The following MYO5B variants were observed in gnomAD, a reference collection of about 807,000 sequenced individuals.
MYO5B encodes the protein myosin VB, also known as unconventional myosin-Vb.
Under a neutral mutation model 229.3 loss-of-function variants are expected in MYO5B, and 143 were observed. The observed-to-expected ratio is 0.62, with a 90% CI of 0.54 to 0.72. The LOEUF (loss-of-function observed/expected upper bound fraction) is 0.72. Ranked by LOEUF, MYO5B falls within the 30% of genes least tolerant of loss-of-function variation. The probability of loss-of-function intolerance (pLI) is 0.00; values close to 1 mark genes in which losing one functional copy is unlikely to be tolerated. For synonymous variants in MYO5B, 918 were observed against 885.2 expected, an observed-to-expected ratio of 1.04 and a Z score of -0.66; for missense variants, 2,321 against 2,331.0, an observed-to-expected ratio of 1.00 and a Z score of 0.09.
chr18:50,108,516 T>G (rs2031803386), intron 1 of MYO5B, among the ~76,000 whole-genome samples: 1 of 152,178 alleles, frequency 6.6e-6, no homozygotes, highest in Non-Finnish European at 1.5e-5. Flanking sequence ...CCACACAATT[T>G]CAACATGATT....
intron 2 of MYO5B, among the ~76,000 whole-genome samples, chr18:50,045,369 C>T (rs1343950229): frequency 1.3e-5 from 2 of 152,098 alleles, no homozygotes; most frequent in Admixed American, 1.3e-4. Context: ...CTTAAATTTC[C>T]CTTTGGCACA....
chr18:50,127,898 C>T (rs941035493), intron 1 of MYO5B, among the ~76,000 whole-genome samples: 9 of 152,186 alleles, frequency 5.9e-5, no homozygotes, highest in African/African-American at 2.2e-4. Context: ...AAAAGGGAAC[C>T]CTGCCTGTTT....
intron 1 of MYO5B, among the ~76,000 whole-genome samples, chr18:50,058,367 G>T (rs2030603826): frequency 6.6e-6 from 1 of 152,192 alleles, no homozygotes; most frequent in African/African-American, 2.4e-5. Context: ...CTATTCAGGA[G>T]GCTGAGGCAT....
At chr18:50,131,566 CA>C (rs2032254961) in intron 1 of MYO5B, among the ~76,000 whole-genome samples, 1 of 152,172 alleles carries the variant, frequency 6.6e-6, no homozygotes, top group Non-Finnish European at 1.5e-5. Flanking sequence ...GCACTTGGCC[CA>C]GTGCTTTGTA....
chr18:49,841,860 G>A (rs948667), intron 34 of MYO5B, among the ~76,000 whole-genome samples: 15,399 of 152,258 alleles, frequency 0.1, 1,256 homozygotes, highest in East Asian at 0.3. Context: ...AAGGGATGCT[G>A]AAGAGCATAA....
intron 22 of MYO5B, among the ~76,000 whole-genome samples, chr18:49,881,116 CTT>C (rs2024581221): frequency 6.6e-6 from 1 of 152,234 alleles, no homozygotes; most frequent in Non-Finnish European, 1.5e-5. Context: ...CAAATATACT[CTT>C]TTGTCTTTGT....
chr18:50,187,792 C>T lies in MYO5B; in HGVS notation c.27+6975G>A, dbSNP rs1463236602. ...TTGGCCTCCCAAAGTGCTAGGATTA[C>T]AGGTGTGAGTGACTGTGCCTGGCTT... On this transcript the variant is annotated intron_variant, in intron 1 of 39. Coordinates refer to ENST00000285039, the MANE Select transcript of MYO5B (RefSeq NM_001080467.3). 2.6e-5 allele frequency among the ~76,000 whole-genome samples: 4 copies of T among 152,136 alleles called. No homozygotes were observed. The East Asian group carries it at 7.7e-4, about 29-fold the overall frequency.
At position 49,875,779 on chromosome 18, in the gene MYO5B, G is replaced by A; in HGVS notation, c.3445C>T (p.Leu1149=). 6.2e-7 allele frequency: 1 copy of A among 1,614,158 alleles called. No individual in the cohort carries two copies. The highest frequency in any genetic ancestry group is 8.5e-7 in the Non-Finnish European group (1 of 1,180,000). Residue 1149 remains leucine (L), a synonymous_variant, in exon 26 of 40, where the codon CTG becomes TTG. Coordinates refer to ENST00000285039, the MANE Select transcript of MYO5B (RefSeq NM_001080467.3). ...AAMDMTVFLK[L]QKRVRELEQE... is the part of the protein sequence containing the mutation. ...TCCAGCTCCCGTACTCTCTTCTGCA[G>A]CTTCAGGAAGACCGTCATGTCCATG... is the stretch of plus-strand genomic sequence containing the variant.
At chr18:50,137,181 G>A (rs2032349683) in intron 1 of MYO5B, among the ~76,000 whole-genome samples, 1 of 152,294 alleles carries the variant, frequency 6.6e-6, no homozygotes, top group South Asian at 2.1e-4. Context: ...CAATCAAAAG[G>A]CTCTGCAGAC....
chr18:49,893,114 G>C (rs1239149319), intron 22 of MYO5B, among the ~76,000 whole-genome samples: 1 of 152,166 alleles, frequency 6.6e-6, no homozygotes, highest in Non-Finnish European at 1.5e-5. Context: ...TGGGTGTTTA[G>C]AGTGCTGAAG....
At chr18:49,952,891 G>C (rs547675800) in intron 14 of MYO5B, among the ~76,000 whole-genome samples, 11 of 151,326 alleles carry the variant, frequency 7.3e-5, no homozygotes, top group Non-Finnish European at 1.5e-4. Context: ...GGAGACGGAG[G>C]ACAGATGACA....
intron 1 of MYO5B, among the ~76,000 whole-genome samples, chr18:50,073,364 C>T (rs1426654187): frequency 6.6e-6 from 1 of 152,112 alleles, no homozygotes; most frequent in Non-Finnish European, 1.5e-5. Context: ...GAACTCAAAC[C>T]CAGGTGAACT....
intron 17 of MYO5B, 56 bp from the exon 18 acceptor site, chr18:49,912,229 A>T: frequency 7.5e-7 from 1 of 1,341,524 alleles, no homozygotes; most frequent in Non-Finnish European, 1.1e-6. Context: ...GGCCACACAA[A>T]AGCCAGGCGT....
At chr18:49,933,530 G>T (rs2025217152) in intron 16 of MYO5B, among the ~76,000 whole-genome samples, 1 of 152,258 alleles carries the variant, frequency 6.6e-6, no homozygotes, top group Non-Finnish European at 1.5e-5. Flanking sequence ...AGCATTTAAT[G>T]TGGGACAGGA....
Position 49,839,217 on chromosome 18 carries a change from C to T in MYO5B, c.4779G>A (p.Val1593=), listed in dbSNP as rs755705623. 2.5e-6 allele frequency: 4 copies of T among 1,614,170 alleles called. No homozygotes were observed. The highest frequency in any genetic ancestry group is 1.3e-5 in the African/African-American group (1 of 75,054). Residue 1593 remains valine, a synonymous_variant, in exon 36 of 40, where the codon GTG becomes GTA. Transcript: ENST00000285039. ...AGATCTGAATGGAAAGGTCACTCAG[C>T]ACCTGACGGTATTCGGTGAGGTCAA... ...KNFDLTEYRQ[V]LSDLSIQIYQ... is the part of the protein sequence containing the mutation.
intron 10 of MYO5B, among the ~76,000 whole-genome samples, chr18:49,963,645 C>T (rs1489916883): frequency 6.6e-6 from 1 of 152,080 alleles, no homozygotes; most frequent in Non-Finnish European, 1.5e-5. Flanking sequence ...CCAAGCTGGT[C>T]TCGAACTCCT....
Position 49,826,180 on chromosome 18 carries a change from CCTTTTATATGT to C in MYO5B, c.*280_*290del. The C allele has an allele frequency of 2.5e-6, 1 of 396,036 alleles. No homozygotes were observed. Among genetic ancestry groups the C allele is most frequent in the South Asian group, 2.4e-5 (1 of 41,638 alleles). The allele number at this position is 396,036 out of a possible 1,614,324, so 24.5% of individuals were successfully genotyped here. On this transcript the variant is annotated 3_prime_UTR_variant, in exon 40 of 40. Transcript: ENST00000285039. ...GCAGCTTCGTTTTATAGAATTGACA[CCTTTTATATGT>C]CTATGGGGACTGCTTGGTGTCTATA...
intron 1 of MYO5B, among the ~76,000 whole-genome samples, chr18:50,066,774 G>A (rs1598994315): frequency 6.6e-6 from 1 of 152,104 alleles, no homozygotes; most frequent in East Asian, 1.9e-4. Flanking sequence ...TTTCCATCCT[G>A]CTTCTGAGAT....
intron 17 of MYO5B, among the ~76,000 whole-genome samples, chr18:49,916,143 T>C (rs2025011720): frequency 6.6e-6 from 1 of 152,262 alleles, no homozygotes. Context: ...TTGCTTTAGT[T>C]CTCCTTAAGA....
Sources: gnomAD v4.1 joint callset for allele counts (sites outside exome capture counted in the v4.1 genomes callset) on GRCh38, gnomAD v4.1.1 for gene constraint, MANE v1.5 for transcripts, NCBI Gene and HGNC (gene_info 2026-07-23, HGNC 2026-07-21) for gene names.